The following PRKAR2B variants were observed in gnomAD, a reference collection of about 807,000 sequenced individuals.
The protein encoded by PRKAR2B is cAMP-dependent protein kinase type II-beta regulatory subunit.
A neutral mutation model predicts 49.9 loss-of-function variants in PRKAR2B; 14 were observed. The observed-to-expected ratio is 0.28, with a 90% CI of 0.19 to 0.44. The LOEUF is 0.44. PRKAR2B is among the 20% of genes least tolerant of loss of function. The pLI is 1.00. For synonymous variants in PRKAR2B, 196 were observed against 197.7 expected, an observed-to-expected ratio of 0.99 and a Z score of 0.07; for missense variants, 393 against 537.9, an observed-to-expected ratio of 0.73 and a Z score of 2.67.
Position 107,161,048 on chromosome 7 carries a change from C to T in PRKAR2B, c.*1466C>T, listed in dbSNP as rs1370155610. ...ATTACTCTGTGCTAGTGTAGTCTTA[C>T]TAGAGAATGTTTATGGTCCCACTTG... On this transcript the variant is annotated 3_prime_UTR_variant, in exon 11 of 11. Coordinates refer to ENST00000265717, the MANE Select transcript of PRKAR2B (RefSeq NM_002736.3). 2.0e-5 allele frequency: 3 copies of T among 152,094 alleles called. No individual in the cohort carries two copies. The highest frequency in any genetic ancestry group is 7.2e-5 in the African/African-American group (3 of 41,402). The allele number at this position is 152,094 out of a possible 1,614,324, so 9.4% of individuals were successfully genotyped here.
At chr7:107,051,927 C>T (rs535533098) in intron 1 of PRKAR2B, among the ~76,000 whole-genome samples, 157 of 151,984 alleles carry the variant, frequency 1.0e-3, no homozygotes, top group Admixed American at 2.2e-3. Flanking sequence ...TTAGCTGTTC[C>T]AAGACAAAAT....
intron 1 of PRKAR2B, among the ~76,000 whole-genome samples, chr7:107,050,850 A>ATT (rs542332691): frequency 0.027 from 4,134 of 152,038 alleles, 73 homozygotes; most frequent in Middle Eastern, 0.044. Flanking sequence ...TTTAGACTTC[A>ATT]TTTTTTTCTG....
At chr7:107,076,226 A>G (rs776591067) in intron 2 of PRKAR2B, among the ~76,000 whole-genome samples, 3 of 152,182 alleles carry the variant, frequency 2.0e-5, no homozygotes, top group Non-Finnish European at 2.9e-5. Context: ...GAAAAAGGGC[A>G]TTCTTCTAGG....
At chr7:107,152,528 A>T (rs908239970) in intron 7 of PRKAR2B, among the ~76,000 whole-genome samples, 2 of 152,188 alleles carry the variant, frequency 1.3e-5, no homozygotes, top group Non-Finnish European at 2.9e-5. Flanking sequence ...TTGTTACCCT[A>T]AAAATTCAGC....
intron 4 of PRKAR2B, among the ~76,000 whole-genome samples, chr7:107,129,284 G>A (rs1795555049): frequency 6.6e-6 from 1 of 152,078 alleles, no homozygotes; most frequent in Admixed American, 6.6e-5. Flanking sequence ...ACAGTACATT[G>A]TGTGACTTTG....
At chr7:107,138,918 A>G (rs374873974) in intron 4 of PRKAR2B, among the ~76,000 whole-genome samples, 4 of 152,026 alleles carry the variant, frequency 2.6e-5, no homozygotes, top group Non-Finnish European at 4.4e-5. Context: ...GGCTGAAGCA[A>G]TCTGCCTGCC....
chr7:107,099,156 G>A (rs1794906739), intron 2 of PRKAR2B, among the ~76,000 whole-genome samples: 2 of 152,174 alleles, frequency 1.3e-5, no homozygotes, highest in South Asian at 4.1e-4. Context: ...GAGCTGCGGT[G>A]GGCTCCACCC....
intron 3 of PRKAR2B, among the ~76,000 whole-genome samples, chr7:107,126,281 C>CCCA (rs1795487953): frequency 6.8e-6 from 1 of 146,658 alleles, no homozygotes; most frequent in Admixed American, 6.8e-5. Context: ...CAAAGCCAGG[C>CCCA]GTGGTGGCAG....
At chr7:107,121,282 TTACTGCAA>T (rs1410993088) in intron 2 of PRKAR2B, among the ~76,000 whole-genome samples, 1 of 152,114 alleles carries the variant, frequency 6.6e-6, no homozygotes, top group African/African-American at 2.4e-5. Context: ...ATGAAGGTGT[TTACTGCAA>T]AGTTGTTTTA....
At chr7:107,079,340 G>C (rs1032673856) in intron 2 of PRKAR2B, 1 of 151,996 alleles carries the variant, frequency 6.6e-6, no homozygotes, top group African/African-American at 2.4e-5. Flanking sequence ...GATTGCCATG[G>C]CTTAGGTGAT....
At chr7:107,099,720 C>T (rs527347191) in intron 2 of PRKAR2B, among the ~76,000 whole-genome samples, 11 of 151,686 alleles carry the variant, frequency 7.3e-5, no homozygotes, top group Admixed American at 4.6e-4. Context: ...CTCACTCCAA[C>T]CTCCGCCTCC....
chr7:107,111,378 T>G (rs1795169061), intron 2 of PRKAR2B, among the ~76,000 whole-genome samples: 1 of 152,180 alleles, frequency 6.6e-6, no homozygotes, highest in African/African-American at 2.4e-5. Flanking sequence ...CACTTCCTGC[T>G]GATTGTAGAG....
Position 107,044,798 on chromosome 7 carries a change from G to C in PRKAR2B, c.-110G>C. On this transcript the variant is annotated 5_prime_UTR_variant, in exon 1 of 11. Transcript: ENST00000265717. The stretch of plus-strand genomic sequence containing the variant: ...CGGGGCCCAGTGCGCCGCGCTCGCA[G>C]CCGGTAGCGCGCCAGCGCCGTAGGC... 2.4e-6 allele frequency: 2 copies of C among 834,756 alleles called. No homozygotes were observed. The highest frequency in any genetic ancestry group is 3.1e-6 in the Non-Finnish European group (2 of 648,484). The allele number at this position is 834,756 out of a possible 1,614,324, so 51.7% of individuals were successfully genotyped here.
At chr7:107,052,721 AGTTTGC>A (rs1275250018) in intron 1 of PRKAR2B, among the ~76,000 whole-genome samples, 5 of 152,240 alleles carry the variant, frequency 3.3e-5, no homozygotes, top group Non-Finnish European at 7.3e-5. Flanking sequence ...TCCCTCTAAA[AGTTTGC>A]AGGCTAGCCC....
In PRKAR2B at chr7:107,159,687, T is replaced by A; in HGVS notation, c.*105T>A. The A allele has an allele frequency of 8.1e-7, 1 of 1,241,474 alleles. No homozygotes were observed. The highest frequency in any genetic ancestry group is 1.1e-6 in the Non-Finnish European group (1 of 892,170). 76.9% of individuals were successfully genotyped at this position (1,241,474 alleles called of 1,614,324 possible). On this transcript the variant is annotated 3_prime_UTR_variant, in exon 11 of 11. Transcript: ENST00000265717. The stretch of plus-strand genomic sequence containing the variant: ...GCCAAGCATTTTCTGTGATTTCAGG[T>A]TTTTTCCTTTTTTTACATTTACAAC...
intron 7 of PRKAR2B, 111 bp from the exon 8 acceptor site, chr7:107,153,066 A>G: frequency 1.7e-6 from 1 of 601,940 alleles, no homozygotes; most frequent in African/African-American, 1.9e-5. Flanking sequence ...TATACAACCT[A>G]CACACTGCTC....
chr7:107,087,084 T>C (rs1011376152), intron 2 of PRKAR2B, among the ~76,000 whole-genome samples: 32 of 152,174 alleles, frequency 2.1e-4, no homozygotes, highest in African/African-American at 5.8e-4. Flanking sequence ...CTTTTAAGAA[T>C]GTATGCCCCT....
At position 107,074,477 on chromosome 7, in the gene PRKAR2B, A is replaced by G. The variant is rs546321478; in HGVS notation, c.343+4161A>G. 1.8e-4 allele frequency among the ~76,000 whole-genome samples: 28 copies of G among 152,220 alleles called. No individual in the cohort carries two copies. In the South Asian group the frequency reaches 5.2e-3, roughly 28 times the overall value. On this transcript the variant is annotated intron_variant, in intron 2 of 10. Coordinates refer to ENST00000265717, the MANE Select transcript of PRKAR2B (RefSeq NM_002736.3). ...CTTTTTGGTGGAAAATGGAAATAAT[A>G]TATCATTTGTTGTTGTGAGTATTAA...
At chr7:107,102,814 G>A (rs1052206498) in intron 2 of PRKAR2B, among the ~76,000 whole-genome samples, 23 of 152,070 alleles carry the variant, frequency 1.5e-4, no homozygotes, top group African/African-American at 5.6e-4. Flanking sequence ...GGGATTACAG[G>A]CGCCCGCCAC....
Sources: allele counts gnomAD v4.1 joint callset (sites outside exome capture counted in the v4.1 genomes callset), GRCh38; gene constraint gnomAD v4.1.1; transcripts MANE v1.5; gene names NCBI Gene and HGNC (gene_info 2026-07-23, HGNC 2026-07-21).